TM2D3: variants seen among roughly 807,000 people sequenced by gnomAD.
The protein encoded by TM2D3 is TM2 domain-containing protein 3.
A neutral mutation model predicts 27.3 loss-of-function variants in TM2D3; 33 were observed. The observed-to-expected ratio is 1.21, with a 90% confidence interval of 0.92 to 1.61. The LOEUF (loss-of-function observed/expected upper bound fraction) is 1.61, where lower values mean the gene tolerates loss of function less well. TM2D3 is among the 40% of genes most tolerant of loss of function. The probability of loss-of-function intolerance (pLI) is 0.00; values close to 1 mark genes in which losing one functional copy is unlikely to be tolerated. For missense variants in TM2D3, 364 were observed against 320.8 expected (o/e 1.13, Z -1.03); for synonymous variants, 138 against 122.2 (o/e 1.13, Z -0.85).
chr15:101,638,550 G>A (rs139505946), downstream of TM2D3, among the ~76,000 whole-genome samples: 41 of 152,158 alleles, frequency 2.7e-4, no homozygotes, highest in African/African-American at 9.6e-4. Flanking sequence ...TGCCCGCCTC[G>A]GACTCTCAAA....
At chr15:101,641,819 T>A (rs945090327), downstream of TM2D3, 14 of 755,974 alleles carry the variant, frequency 1.9e-5, no homozygotes, top group African/African-American at 2.3e-4. Flanking sequence ...TTCAAGATTA[T>A]ATTTAATATA....
intron 5 of TM2D3, among the ~76,000 whole-genome samples, chr15:101,644,111 G>A (rs376409404): frequency 6.6e-6 from 1 of 152,276 alleles, no homozygotes; most frequent in East Asian, 1.9e-4. Context: ...CTCCCAAAGC[G>A]CTGGGATTAC....
chr15:101,642,054 A>G lies in TM2D3; in HGVS notation c.*425T>C. On this transcript the variant is annotated 3_prime_UTR_variant, in exon 6 of 6. Coordinates refer to ENST00000333202, the MANE Select transcript of TM2D3 (RefSeq NM_078474.3). ...ACTTCAATTAGCCAACAACAGAAACACTCCCACTTCCTGCAGTCACAGCAA... is the reference window on the plus strand; with the variant it reads ...ACTTCAATTAGCCAACAACAGAAACGCTCCCACTTCCTGCAGTCACAGCAA... 6.1e-6 allele frequency: 6 copies of G among 986,944 alleles called. No homozygotes were observed. Among genetic ancestry groups the G allele is most frequent in the Non-Finnish European group, 6.0e-6 (5 of 830,824 alleles). The allele number at this position is 986,944 out of a possible 1,614,324, so 61.1% of individuals were successfully genotyped here.
chr15:101,651,524 G>A (rs970317580), intron 2 of TM2D3, 172 bp downstream of exon 2: 3 of 610,450 alleles, frequency 4.9e-6, no homozygotes, highest in Non-Finnish European at 8.6e-6. Context: ...TAAATACGAA[G>A]ACTATCTACT....
exon 5 of TM2D3, chr15:101,633,668 A>G (rs72761630): frequency 0.035 from 54,099 of 1,531,812 alleles, 1,102 homozygotes; most frequent in Middle Eastern, 0.044. Flanking sequence ...CACCTTTTTC[A>G]GGGTGATGTC....
exon 5 of TM2D3, chr15:101,633,460 C>G (rs991990359): frequency 2.2e-6 from 1 of 447,718 alleles, no homozygotes; most frequent in East Asian, 3.3e-5. Context: ...TAGAAGAATT[C>G]AATTCCTTGC....
chr15:101,651,685 A>C lies in TM2D3; in HGVS notation c.169+11T>G. The stretch of plus-strand genomic sequence containing the variant: ...CTACATGTATTTACTAGAATAGAAA[A>C]CGTCTAGTACCTGCTGCCCTGGGAA... On this transcript the variant is annotated intron_variant, in intron 2 of 5. Coordinates refer to ENST00000333202, the MANE Select transcript of TM2D3 (RefSeq NM_078474.3). 6.2e-7 allele frequency: 1 copy of C among 1,612,852 alleles called. No homozygotes were observed. The highest frequency in any genetic ancestry group is 1.1e-5 in the South Asian group (1 of 91,004).
downstream of TM2D3, among the ~76,000 whole-genome samples, chr15:101,638,203 C>G (rs929917055): frequency 2.0e-5 from 3 of 152,116 alleles, no homozygotes; most frequent in African/African-American, 7.2e-5. Flanking sequence ...TCCCAGCAGC[C>G]CTTTTCACTT....
chr15:101,634,566 T>C (rs1483503354), intron 4 of TM2D3: 1 of 152,106 alleles, frequency 6.6e-6, no homozygotes, highest in South Asian at 2.1e-4. Context: ...GATAGAAAAA[T>C]GCTGAAAAAT....
Position 101,642,583 on chromosome 15 carries a change from C to T in TM2D3, c.640G>A (p.Gly214Ser). ...AGGCCACCGAAGCTGAAGAGCTTGCCGAGGCCTTCCCGCCACTGGCCCAGG... is the reference window on the plus strand; with the variant it reads ...AGGCCACCGAAGCTGAAGAGCTTGCTGAGGCCTTCCCGCCACTGGCCCAGG... ...FYLGQWREGL[G>S]KLFSFGGLGI... The change falls in exon 6 of 6, where the codon GGC becomes AGC. Residue 214 changes from glycine (G) to serine (S), a missense_variant. Physicochemically the swap from Gly to Ser is moderately conservative, Grantham distance 56. Coordinates refer to ENST00000333202, the MANE Select transcript of TM2D3 (RefSeq NM_078474.3). 4 of 1,610,972 alleles carry T rather than the reference C, an allele frequency of 2.5e-6. No individual in the cohort carries two copies. Among genetic ancestry groups the T allele is most frequent in the Non-Finnish European group, 3.4e-6 (4 of 1,179,096 alleles).
At position 101,647,678 on chromosome 15, in the gene TM2D3, G is replaced by A. The variant is rs144320323; in HGVS notation, c.328-779C>T. Among the ~76,000 whole-genome samples, 740 of 152,256 alleles carry A rather than the reference G, an allele frequency of 4.9e-3. 6 individuals carry two copies. The highest frequency in any genetic ancestry group is 7.3e-3 in the Admixed American group (111 of 15,306). On this transcript the variant is annotated intron_variant, in intron 3 of 5. Transcript: ENST00000333202. ...GAAGATTATAGACAAAAACCTATAGGTGTTCAGAGCTAACCACTTTTAATC... is the reference window on the plus strand; with the variant it reads ...GAAGATTATAGACAAAAACCTATAGATGTTCAGAGCTAACCACTTTTAATC...
intron 4 of TM2D3, chr15:101,646,504 G>A (rs911754639): frequency 2.1e-5 from 10 of 472,786 alleles, no homozygotes; most frequent in Non-Finnish European, 3.5e-5. Context: ...TACTTCAAAT[G>A]TTTTTCTTAT....
Position 101,646,819 on chromosome 15 carries a change from G to A in TM2D3, c.408C>T (p.Tyr136=), listed in dbSNP as rs751432899. 3.1e-5 allele frequency: 50 copies of A among 1,614,086 alleles called. No homozygotes were observed. Among genetic ancestry groups the A allele is most frequent in the South Asian group, 4.4e-5 (4 of 91,090 alleles). The part of the protein sequence containing the change: ...RFCWQLPETD[Y]ECTNSTSCMT... ...TGCAGCTGGTGGAGTTGGTACACTC[G>A]TAATCTGTTTCAGGAAGCTGCCAGC... Residue 136 remains tyrosine (Y), a synonymous_variant, in exon 4 of 6, where the codon TAC becomes TAT. Coordinates refer to ENST00000333202, the MANE Select transcript of TM2D3 (RefSeq NM_078474.3).
At chr15:101,643,012 G>C (rs1482102322) in intron 5 of TM2D3, among the ~76,000 whole-genome samples, 1 of 151,928 alleles carries the variant, frequency 6.6e-6, no homozygotes. Flanking sequence ...TGGACGACCT[G>C]GATCAAGTCA....
At chr15:101,649,969 G>A (rs1371068547) in intron 3 of TM2D3, 35 bp downstream of exon 3, 1 of 1,584,966 alleles carries the variant, frequency 6.3e-7, no homozygotes, top group Non-Finnish European at 8.6e-7. Flanking sequence ...AGTTTACAAT[G>A]AATTTATTTA....
Position 101,646,778 on chromosome 15 carries a change from G to C in TM2D3, c.449C>G (p.Pro150Arg), listed in dbSNP as rs770876061. Residue 150 changes from proline (P) to arginine (R), a missense_variant, in exon 4 of 6, where the codon CCT becomes CGT. Pro to Arg is a moderately radical substitution (Grantham distance 103, BLOSUM62 -2). Coordinates refer to ENST00000333202, the MANE Select transcript of TM2D3 (RefSeq NM_078474.3). ...NSTSCMTVSC[P>R]RQRYPANCTV... ...GCAGTTGGCAGGGTAGCGCTGCCGA[G>C]GACAGGACACCGTCATGCAGCTGGT... The C allele has an allele frequency of 4.3e-6, 7 of 1,614,066 alleles. No individual in the cohort carries two copies. In the Admixed American group the frequency reaches 1.0e-4, roughly 23 times the overall value.
downstream of TM2D3, among the ~76,000 whole-genome samples, chr15:101,640,000 G>A (rs1234636883): frequency 6.6e-6 from 1 of 152,168 alleles, no homozygotes; most frequent in Non-Finnish European, 1.5e-5. Flanking sequence ...GATTCTTAAG[G>A]GGAAATCATG....
chr15:101,633,806 C>A, intron 4 of TM2D3: 1 of 1,278,968 alleles, frequency 7.8e-7, no homozygotes, highest in Non-Finnish European at 1.1e-6. Flanking sequence ...GTCCAGGAGA[C>A]AATAAAAAAT....
chr15:101,637,015 G>C (rs1037898921), downstream of TM2D3: 2 of 285,122 alleles, frequency 7.0e-6, no homozygotes, highest in African/African-American at 4.5e-5. Flanking sequence ...ACATGTGCCC[G>C]GTGTGGTCCG....
Sources: gnomAD v4.1 joint callset for allele counts (sites outside exome capture counted in the v4.1 genomes callset) on GRCh38, gnomAD v4.1.1 for gene constraint, MANE v1.5 for transcripts, NCBI Gene and HGNC (gene_info 2026-07-23, HGNC 2026-07-21) for gene names.